The following MREG variants were observed in gnomAD, a reference collection of about 807,000 sequenced individuals.
MREG encodes melanoregulin.
Under a neutral mutation model 28.5 loss-of-function variants are expected in MREG, and 31 were observed. The ratio of observed to expected loss-of-function variants is 1.09; its 90% CI spans 0.82 to 1.47. The LOEUF (loss-of-function observed/expected upper bound fraction) is 1.47. MREG is among the 40% of genes most tolerant of loss of function. The pLI is 0.00. For synonymous variants in MREG, 106 were observed against 95.2 expected, an observed-to-expected ratio of 1.11 and a Z score of -0.66; for missense variants, 256 against 257.4, an observed-to-expected ratio of 0.99 and a Z score of 0.04.
chr2:215,978,729 A>G (rs1693328727), intron 2 of MREG, among the ~76,000 whole-genome samples: 1 of 152,252 alleles, frequency 6.6e-6, no homozygotes, highest in South Asian at 2.1e-4. Context: ...CTGGTTCAGC[A>G]TACTCAAATC....
chr2:215,955,863 A>G (rs1020039328), intron 2 of MREG, among the ~76,000 whole-genome samples: 1 of 152,204 alleles, frequency 6.6e-6, no homozygotes, highest in African/African-American at 2.4e-5. Context: ...AATGTGAAAT[A>G]GATAATACAG....
Position 216,006,844 on chromosome 2 carries a change from T to A in MREG, c.95+6389A>T, listed in dbSNP as rs1159867812. 3.3e-5 allele frequency among the ~76,000 whole-genome samples: 5 copies of A among 152,112 alleles called. No homozygotes were observed. The East Asian group carries it at 9.6e-4, about 29-fold the overall frequency. Reference sequence around the variant, plus strand: ...CCTTTTACATGTTGTGAGCCCTCCCTTACCCCCACCCTTCTTTCCCACTGG... The same window carrying A: ...CCTTTTACATGTTGTGAGCCCTCCCATACCCCCACCCTTCTTTCCCACTGG... On this transcript the variant is annotated intron_variant, in intron 1 of 4. Transcript: ENST00000263268.
intron 2 of MREG, among the ~76,000 whole-genome samples, chr2:215,967,492 GA>G (rs1692974012): frequency 6.6e-6 from 1 of 152,196 alleles, no homozygotes; most frequent in African/African-American, 2.4e-5. Context: ...ACCCATAAAT[GA>G]AAAAGCTAGA....
intron 1 of MREG, among the ~76,000 whole-genome samples, chr2:216,031,699 A>AAGAAAGAGAGAG (rs1559204175): frequency 7.1e-4 from 90 of 127,602 alleles, no homozygotes; most frequent in African/African-American, 1.8e-3. Context: ...AAGAGAAAGA[A>AAGAAAGAGAGAG]AGAAAGAAAG....
chr2:215,964,415 T>C (rs1692879846), intron 2 of MREG, among the ~76,000 whole-genome samples: 1 of 151,648 alleles, frequency 6.6e-6, no homozygotes, highest in Non-Finnish European at 1.5e-5. Context: ...ACCCAGGAAG[T>C]GGAGGTTGCA....
upstream of MREG, among the ~76,000 whole-genome samples, chr2:216,015,117 A>ACAAGTGTGTGTGCG (rs1694414736): frequency 3.5e-5 from 2 of 57,214 alleles, no homozygotes. Context: ...GTGTGTGTGC[A>ACAAGTGTGTGTGCG]CGCGTGTGTG....
chr2:216,011,438 T>G (rs62181265), intron 1 of MREG, among the ~76,000 whole-genome samples: 31,157 of 152,238 alleles, frequency 0.2, 3,389 homozygotes, highest in Non-Finnish European at 0.25. Context: ...TGTGTCACAC[T>G]CTATACTAAG....
Position 215,943,459 on chromosome 2 carries a change from T to C in MREG, c.*1404A>G, listed in dbSNP as rs1331156324. 2.2e-6 allele frequency: 1 copy of C among 456,620 alleles called. No homozygotes were observed. Among genetic ancestry groups the C allele is most frequent in the Admixed American group, 2.3e-5 (1 of 42,556 alleles). 28.3% of individuals were successfully genotyped at this position (456,620 alleles called of 1,614,324 possible). On this transcript the variant is annotated 3_prime_UTR_variant, in exon 5 of 5. Transcript: ENST00000263268. ...TGAGAGGTCCCCCCACAGGTGCAGC[T>C]GCCAGCCAACGAATCAGAAACAGAT... is the stretch of plus-strand genomic sequence containing the variant.
At chr2:215,969,244 T>G (rs1693023439) in intron 2 of MREG, among the ~76,000 whole-genome samples, 2 of 152,172 alleles carry the variant, frequency 1.3e-5, no homozygotes, top group African/African-American at 4.8e-5. Flanking sequence ...AAGCTTTAAT[T>G]GTATTAGTTT....
At chr2:216,032,355 A>G (rs753741185) in intron 1 of MREG, among the ~76,000 whole-genome samples, 2 of 152,230 alleles carry the variant, frequency 1.3e-5, no homozygotes, top group Non-Finnish European at 2.9e-5. Flanking sequence ...AAATTTACCA[A>G]CTGGATATAA....
Position 215,972,683 on chromosome 2 carries a change from T to C in MREG, c.255+23623A>G, listed in dbSNP as rs560304040. 3.3e-5 allele frequency among the ~76,000 whole-genome samples: 5 copies of C among 151,994 alleles called. No individual in the cohort carries two copies. In the East Asian group the frequency reaches 9.7e-4, roughly 29 times the overall value. On this transcript the variant is annotated intron_variant, in intron 2 of 4. Transcript: ENST00000263268. ...GATATGGATATGTTCATGACCTTGA[T>C]TGTGGTGATGATTTAATGGGTGCAA...
intron 2 of MREG, among the ~76,000 whole-genome samples, chr2:215,955,100 G>A (rs2105974032): frequency 6.6e-6 from 1 of 152,258 alleles, no homozygotes; most frequent in East Asian, 1.9e-4. Flanking sequence ...GGTAATTAAT[G>A]TTACCAATTT....
chr2:215,954,699 C>T (rs1004474700), intron 2 of MREG, among the ~76,000 whole-genome samples: 8 of 151,080 alleles, frequency 5.3e-5, no homozygotes, highest in Non-Finnish European at 1.0e-4. Context: ...TATGCATTCA[C>T]TATTTTATTT....
chr2:215,965,046 T>C (rs1255581657), intron 2 of MREG, among the ~76,000 whole-genome samples: 2 of 152,246 alleles, frequency 1.3e-5, no homozygotes, highest in African/African-American at 2.4e-5. Flanking sequence ...ACAGAAACTT[T>C]AAAATCCCTA....
intron 2 of MREG, among the ~76,000 whole-genome samples, chr2:215,959,694 C>G (rs974533281): frequency 1.3e-5 from 2 of 152,190 alleles, no homozygotes; most frequent in Admixed American, 1.3e-4. Flanking sequence ...AATGACAGCC[C>G]TCCACACAGA....
At chr2:216,004,089 A>G (rs1188914334) in intron 1 of MREG, among the ~76,000 whole-genome samples, 1 of 152,122 alleles carries the variant, frequency 6.6e-6, no homozygotes, top group East Asian at 1.9e-4. Flanking sequence ...CCCTGAACCC[A>G]TTAGTCAAGT....
chr2:215,982,812 A>G (rs1693466441), intron 2 of MREG, among the ~76,000 whole-genome samples: 1 of 152,212 alleles, frequency 6.6e-6, no homozygotes, highest in Non-Finnish European at 1.5e-5. Flanking sequence ...TGTACCAGTG[A>G]CAAAGTCTCT....
At chr2:215,994,288 C>A (rs1693800303) in intron 2 of MREG, among the ~76,000 whole-genome samples, 1 of 151,858 alleles carries the variant, frequency 6.6e-6, no homozygotes, top group South Asian at 2.1e-4. Context: ...TGAAAACCAT[C>A]ATTCTCAGCA....
At position 215,944,375 on chromosome 2, in the gene MREG, G is replaced by A. The variant is rs1224882849; in HGVS notation, c.*488C>T. The A allele has an allele frequency of 6.6e-6, 1 of 152,450 alleles. No homozygotes were observed. The highest frequency in any genetic ancestry group is 1.5e-5 in the Non-Finnish European group (1 of 68,254). The allele number at this position is 152,450 out of a possible 1,614,324, so 9.4% of individuals were successfully genotyped here. On this transcript the variant is annotated 3_prime_UTR_variant, in exon 5 of 5. Transcript: ENST00000263268. ...CTGACACCCTCCAAGGTTCTACAAG[G>A]TGACCAAATCAGAGAGGTCACCTCA...
Sources: allele counts gnomAD v4.1 joint callset (sites outside exome capture counted in the v4.1 genomes callset), GRCh38; gene constraint gnomAD v4.1.1; transcripts MANE v1.5; gene names NCBI Gene and HGNC (gene_info 2026-07-23, HGNC 2026-07-21).